The following ABLIM2 variants were observed in gnomAD, a reference collection of about 807,000 sequenced individuals.
The protein encoded by ABLIM2 is actin-binding LIM protein 2.
In ABLIM2, 53 loss-of-function variants were observed where a neutral mutation model predicts 97.7. The observed-to-expected ratio is 0.54, with a 90% CI of 0.44 to 0.68. The LOEUF (loss-of-function observed/expected upper bound fraction) is 0.68, where lower values mean the gene tolerates loss of function less well. ABLIM2 is among the 30% of genes least tolerant of loss of function. The pLI is 0.00. For synonymous variants in ABLIM2, 361 were observed against 345.8 expected (o/e 1.04, Z -0.49); for missense variants, 835 against 867.2 (o/e 0.96, Z 0.47).
At chr4:8,080,923 C>G in intron 4 of ABLIM2, 121 bp from the exon 5 acceptor site, 1 of 1,218,480 alleles carries the variant, frequency 8.2e-7, no homozygotes, top group Non-Finnish European at 1.1e-6. Context: ...GACAGACCAG[C>G]AGCCACAGCG....
chr4:8,133,469 G>T (rs1293134790), intron 1 of ABLIM2, among the ~76,000 whole-genome samples: 1 of 152,158 alleles, frequency 6.6e-6, no homozygotes, highest in Non-Finnish European at 1.5e-5. Context: ...AGAGACGGGA[G>T]GTCCCCACCC....
chr4:7,989,328 C>T (rs1032854038), intron 17 of ABLIM2: 10 of 857,366 alleles, frequency 1.2e-5, no homozygotes, highest in Non-Finnish European at 1.4e-5. Flanking sequence ...ATCCACCCAC[C>T]TCGGCCTCGC....
rs1012219134 is a variant in ABLIM2, at chr4:8,133,618, G to T, written c.10+25062C>A. 2.0e-5 allele frequency among the ~76,000 whole-genome samples: 3 copies of T among 152,174 alleles called. No individual in the cohort carries two copies. In the East Asian group the frequency reaches 5.8e-4, roughly 29 times the overall value. On this transcript the variant is annotated intron_variant, in intron 1 of 20. Transcript: ENST00000447017. Reference sequence around the variant, plus strand: ...ATCTGAAGATCCCAGCCCGGCTGGAGCTCCTCCCCGGGTCCCGCTCTCCTC... The same window carrying T: ...ATCTGAAGATCCCAGCCCGGCTGGATCTCCTCCCCGGGTCCCGCTCTCCTC...
chr4:8,090,678 G>A (rs190365747), intron 3 of ABLIM2, among the ~76,000 whole-genome samples: 23 of 152,098 alleles, frequency 1.5e-4, no homozygotes, highest in Admixed American at 9.2e-4. Context: ...CACTGTGATT[G>A]TCACTGTCAC....
In ABLIM2 at chr4:7,992,757, G is replaced by A. The variant is rs979569586; in HGVS notation, c.1680+109C>T. 1.3e-5 allele frequency: 16 copies of A among 1,258,046 alleles called. No homozygotes were observed. The highest frequency in any genetic ancestry group is 1.7e-5 in the Non-Finnish European group (15 of 885,042). The allele number at this position is 1,258,046 out of a possible 1,614,324, so 77.9% of individuals were successfully genotyped here. A position where few individuals can be genotyped will look rare whatever the true frequency, so the allele number is the denominator to read the frequency against. On this transcript the variant is annotated intron_variant, in intron 17 of 20. Transcript: ENST00000447017. This position sits in a 1 kb window ranked among gnomAD's most constrained non-coding sequence, Gnocchi z 5.7. ...ATCAGGCAGAGGCAGGTGGGCCGCG[G>A]GGTCCCCGGGGCCTCTCCTCCTGCT...
chr4:8,050,232 T>C (rs138997015), intron 8 of ABLIM2, among the ~76,000 whole-genome samples: 34 of 152,346 alleles, frequency 2.2e-4, no homozygotes, highest in African/African-American at 7.9e-4. Flanking sequence ...TCACTCATAT[T>C]TGACTCAGAA....
intron 18 of ABLIM2, 121 bp downstream of exon 18, chr4:7,984,718 C>A: frequency 8.9e-7 from 1 of 1,123,786 alleles, no homozygotes. Context: ...GAGGTGTCCC[C>A]GCCCGGCACT....
chr4:8,080,591 G>A (rs1047758164), intron 5 of ABLIM2, 85 bp downstream of exon 5: 173 of 1,387,354 alleles, frequency 1.2e-4, no homozygotes, highest in African/African-American at 1.9e-4. Flanking sequence ...AGAGGGTGGC[G>A]CTGGGGACAC....
intron 10 of ABLIM2, among the ~76,000 whole-genome samples, chr4:8,031,600 G>A (rs560266912): frequency 2.0e-4 from 30 of 152,290 alleles, no homozygotes; most frequent in East Asian, 1.2e-3. Flanking sequence ...AAATCCTCCT[G>A]CACCTCATAG....
chr4:8,077,559 C>G, intron 6 of ABLIM2, 69 bp downstream of exon 6: 1 of 1,390,754 alleles, frequency 7.2e-7, no homozygotes, highest in Non-Finnish European at 9.9e-7. Flanking sequence ...ACAAATCTCC[C>G]AGTCAACTCC....
intron 7 of ABLIM2, among the ~76,000 whole-genome samples, chr4:8,056,656 G>T (rs1430738017): frequency 4.0e-5 from 6 of 151,614 alleles, no homozygotes; most frequent in Non-Finnish European, 7.4e-5. Context: ...GAACAGGCCG[G>T]GTGCTGTGGC....
intron 1 of ABLIM2, among the ~76,000 whole-genome samples, chr4:8,129,994 C>A (rs1403466952): frequency 6.6e-6 from 1 of 152,224 alleles, no homozygotes; most frequent in Non-Finnish European, 1.5e-5. Flanking sequence ...CTAGTCAGCA[C>A]AGCTGGTGCC....
chr4:7,983,685 C>CAG, intron 18 of ABLIM2, 131 bp from the exon 19 acceptor site: 4 of 1,137,648 alleles, frequency 3.5e-6, no homozygotes, highest in African/African-American at 1.5e-5. Flanking sequence ...GCATGGTCCC[C>CAG]GAGCAGCCTG....
chr4:8,008,499 G>C (rs1382071283), intron 15 of ABLIM2, among the ~76,000 whole-genome samples: 1 of 152,240 alleles, frequency 6.6e-6, no homozygotes, highest in Non-Finnish European at 1.5e-5. Context: ...GGGAGAATGA[G>C]GGCTGCTGCC....
rs1326216260 is a variant in ABLIM2, at chr4:8,071,231, G to A, written c.675+6397C>T. 6.6e-6 allele frequency among the ~76,000 whole-genome samples: 1 copy of A among 152,108 alleles called. No individual in the cohort carries two copies. The highest frequency in any genetic ancestry group is 1.5e-5 in the Non-Finnish European group (1 of 68,022). ...CTGCCAGGCGCCACCCACCTCTGCT[G>A]CCCCAGCCCAGTGCCTCCCCCATCC... On this transcript the variant is annotated intron_variant, in intron 6 of 20. Coordinates refer to ENST00000447017, the MANE Select transcript of ABLIM2 (RefSeq NM_001130083.2). The surrounding 1 kb of genome is among the most constrained non-coding windows in gnomAD (Gnocchi z 6.2).
Sources: gnomAD v4.1 joint callset for allele counts (sites outside exome capture counted in the v4.1 genomes callset) on GRCh38, gnomAD v4.1.1 for gene constraint, Gnocchi (gnomAD v3.1) non-coding constraint, MANE v1.5 for transcripts, NCBI Gene and HGNC (gene_info 2026-07-23, HGNC 2026-07-21) for gene names.